The following STT3B variants were observed in gnomAD, a reference collection of about 807,000 sequenced individuals.
STT3B encodes the protein STT3 oligosaccharyltransferase complex catalytic subunit B, also known as dolichyl-diphosphooligosaccharide--protein glycosyltransferase subunit STT3B.
In STT3B, 29 loss-of-function variants were observed where a neutral mutation model predicts 96.8. The observed-to-expected ratio is 0.30, with a 90% CI of 0.22 to 0.41. The LOEUF is 0.41. STT3B is among the 10% of genes least tolerant of loss of function. The probability of loss-of-function intolerance (pLI) is 1.00; values close to 1 mark genes in which losing one functional copy is unlikely to be tolerated. For missense variants in STT3B, 640 were observed against 1,022.3 expected (o/e 0.63, Z 5.10); for synonymous variants, 367 against 360.0 (o/e 1.02, Z -0.22).
At chr3:31,635,765 C>G in intron 15 of STT3B, among the ~76,000 whole-genome samples, 1 of 152,148 alleles carries the variant, frequency 6.6e-6, no homozygotes, top group East Asian at 1.9e-4. Flanking sequence ...GTGAGGATGT[C>G]TAGGAACCTA....
intron 1 of STT3B, among the ~76,000 whole-genome samples, chr3:31,559,617 G>A (rs372949175): frequency 5.9e-5 from 9 of 151,978 alleles, no homozygotes; most frequent in African/African-American, 1.9e-4. Flanking sequence ...GTGTTCTATT[G>A]TATGGTCTAT....
intron 1 of STT3B, among the ~76,000 whole-genome samples, chr3:31,564,875 GA>G (rs1697963846): frequency 6.6e-6 from 1 of 152,136 alleles, no homozygotes; most frequent in African/African-American, 2.4e-5. Flanking sequence ...CCAGAAAGAG[GA>G]AGAGATTCCG....
At chr3:31,569,720 A>G (rs62234710) in intron 1 of STT3B, among the ~76,000 whole-genome samples, 1,527 of 152,100 alleles carry the variant, frequency 0.01, 13 homozygotes, top group Non-Finnish European at 0.016. Context: ...TTTCTCTTTT[A>G]TTTTTATTTT....
intron 11 of STT3B, among the ~76,000 whole-genome samples, chr3:31,624,525 A>G (rs1173225107): frequency 6.6e-6 from 1 of 152,246 alleles, no homozygotes; most frequent in Admixed American, 6.5e-5. Flanking sequence ...CTGTGGTTTA[A>G]TAGACCTAGG....
chr3:31,555,053 T>C (rs1338901962), intron 1 of STT3B, among the ~76,000 whole-genome samples: 1 of 152,190 alleles, frequency 6.6e-6, no homozygotes, highest in Non-Finnish European at 1.5e-5. Context: ...TTCCAAACCA[T>C]TCCAGACATA....
intron 1 of STT3B, among the ~76,000 whole-genome samples, chr3:31,569,206 G>A (rs182502016): frequency 1.4e-4 from 22 of 152,040 alleles, no homozygotes; most frequent in African/African-American, 4.6e-4. Flanking sequence ...TCCCCAAGCT[G>A]TTCTCGAACT....
Position 31,617,947 on chromosome 3 carries a change from T to C in STT3B, c.1131T>C (p.Ile377=). Residue 377 remains isoleucine (I), a synonymous_variant, in exon 8 of 16, where the codon ATT becomes ATC. Transcript: ENST00000295770. ...SVIYLTYTGY[I]APWSGRFYSL... is the part of the protein sequence containing the mutation. ...CATGTTTTTCCTTCCAAGGTTACAT[T>C]GCACCATGGAGTGGCAGGTTTTATT... 2.5e-6 allele frequency: 4 copies of C among 1,603,732 alleles called. No homozygotes were observed. The highest frequency in any genetic ancestry group is 3.4e-6 in the Non-Finnish European group (4 of 1,170,916).
chr3:31,590,514 A>C (rs1698642620), intron 3 of STT3B, among the ~76,000 whole-genome samples: 1 of 151,900 alleles, frequency 6.6e-6, no homozygotes. Flanking sequence ...ATATTCTTCG[A>C]ATTCATAGTT....
At chr3:31,630,014 C>T (rs1402375717) in intron 14 of STT3B, among the ~76,000 whole-genome samples, 2 of 152,160 alleles carry the variant, frequency 1.3e-5, no homozygotes, top group African/African-American at 2.4e-5. Flanking sequence ...TCTGTCAAGT[C>T]ATGTAACTCT....
intron 3 of STT3B, among the ~76,000 whole-genome samples, chr3:31,589,050 T>C (rs946160032): frequency 6.6e-6 from 1 of 152,110 alleles, no homozygotes. Context: ...CTTAACAACA[T>C]TGTCTTCCTA....
chr3:31,578,032 A>G (rs1330602253), intron 2 of STT3B, among the ~76,000 whole-genome samples: 1 of 152,104 alleles, frequency 6.6e-6, no homozygotes, highest in Non-Finnish European at 1.5e-5. Flanking sequence ...GTTTTAGGAC[A>G]GTTTTACTTA....
chr3:31,631,458 A>T (rs955761457), intron 14 of STT3B, among the ~76,000 whole-genome samples: 3 of 152,196 alleles, frequency 2.0e-5, no homozygotes, highest in African/African-American at 4.8e-5. Flanking sequence ...GATCACGTTG[A>T]AGGACCTTTT....
chr3:31,623,653 C>G (rs1243589364), intron 10 of STT3B, 21 bp from the exon 11 acceptor site: 1 of 1,559,084 alleles, frequency 6.4e-7, no homozygotes, highest in Non-Finnish European at 8.7e-7. Flanking sequence ...TTTGTCTAAC[C>G]AATTTTTTTA....
chr3:31,579,689 T>C, intron 2 of STT3B, 120 bp from the exon 3 acceptor site: 2 of 781,882 alleles, frequency 2.6e-6, no homozygotes. Context: ...GCAAATTGTT[T>C]TGAGATGTTG....
At chr3:31,592,138 C>A (rs1369655144) in intron 3 of STT3B, among the ~76,000 whole-genome samples, 1 of 152,134 alleles carries the variant, frequency 6.6e-6, no homozygotes, top group Non-Finnish European at 1.5e-5. Context: ...TTCCCCTCCG[C>A]CCCTGGCACC....
chr3:31,571,785 A>G (rs971230151), intron 1 of STT3B, among the ~76,000 whole-genome samples: 4 of 151,884 alleles, frequency 2.6e-5, no homozygotes, highest in African/African-American at 7.3e-5. Context: ...TTGAATTGCT[A>G]ATGTTCCAAC....
intron 1 of STT3B, among the ~76,000 whole-genome samples, chr3:31,555,307 A>G (rs1697678761): frequency 6.6e-6 from 1 of 152,126 alleles, no homozygotes; most frequent in East Asian, 1.9e-4. Flanking sequence ...GGTGGTTCCT[A>G]GCTATAAAAA....
intron 1 of STT3B, among the ~76,000 whole-genome samples, chr3:31,565,165 C>A (rs1697973626): frequency 6.6e-6 from 1 of 152,160 alleles, no homozygotes; most frequent in African/African-American, 2.4e-5. Flanking sequence ...GATGAACTGG[C>A]CTTTTTAGAC....
At chr3:31,571,951 AAT>A (rs1381185441) in intron 1 of STT3B, among the ~76,000 whole-genome samples, 1 of 140,872 alleles carries the variant, frequency 7.1e-6, no homozygotes, top group African/African-American at 2.6e-5. Context: ...TATAATATTA[AAT>A]ATATATTAAA....
Sources: gnomAD v4.1 joint callset for allele counts (sites outside exome capture counted in the v4.1 genomes callset) on GRCh38, gnomAD v4.1.1 for gene constraint, MANE v1.5 for transcripts, NCBI Gene and HGNC (gene_info 2026-07-23, HGNC 2026-07-21) for gene names.